MSI2: variants seen among roughly 807,000 people sequenced by gnomAD.
The protein encoded by MSI2 is RNA-binding protein Musashi homolog 2.
MSI2 carries 17 observed loss-of-function variants against 45.6 expected under a neutral mutation model. The observed-to-expected ratio is 0.37, with a 90% CI of 0.26 to 0.56. The LOEUF is 0.56. MSI2 is among the 20% of genes least tolerant of loss of function. The probability of loss-of-function intolerance (pLI) is 0.77; values close to 1 mark genes in which losing one functional copy is unlikely to be tolerated. For missense variants in MSI2, 293 were observed against 444.2 expected (o/e 0.66, Z 3.06); for synonymous variants, 156 against 158.2 (o/e 0.99, Z 0.11).
In MSI2 at chr17:57,407,601, C is replaced by A. The variant is rs975104988; in HGVS notation, c.405+6130C>A. ...TGAGGCTTTGTCCTCTGAAGTGGTT[C>A]ATGTAGGTGGGTTGCCCGGGGAGTG... On this transcript the variant is annotated intron_variant, in intron 6 of 13. Transcript: ENST00000284073. This position sits in a 1 kb window ranked among gnomAD's most constrained non-coding sequence, Gnocchi z 4.1. Among the ~76,000 whole-genome samples the A allele has an allele frequency of 6.6e-6, 1 of 152,120 alleles. No individual in the cohort carries two copies. The highest frequency in any genetic ancestry group is 6.5e-5 in the Admixed American group (1 of 15,270).
At chr17:57,264,015 T>A (rs538886497) in intron 5 of MSI2, 1 of 152,396 alleles carries the variant, frequency 6.6e-6, no homozygotes, top group East Asian at 1.9e-4. Context: ...CCTAACCTTC[T>A]CTCAGTCTCA....
chr17:57,653,083 G>A (rs554108175), intron 11 of MSI2, among the ~76,000 whole-genome samples: 2 of 152,056 alleles, frequency 1.3e-5, no homozygotes, highest in East Asian at 1.9e-4. Flanking sequence ...ATGTCACAGG[G>A]CTCTGAGGAG....
chr17:57,445,555 G>A (rs1366829372), intron 6 of MSI2, among the ~76,000 whole-genome samples: 1 of 151,884 alleles, frequency 6.6e-6, no homozygotes, highest in Admixed American at 6.6e-5. Flanking sequence ...GGGCGGTGGG[G>A]GGGGGTGCAT....
At chr17:57,447,212 A>C (rs1255385100) in intron 6 of MSI2, among the ~76,000 whole-genome samples, 1 of 151,982 alleles carries the variant, frequency 6.6e-6, no homozygotes, top group Admixed American at 6.6e-5. Context: ...TCAGCCTCCC[A>C]AGTAGCTAGG....
chr17:57,612,298 C>G lies in MSI2; in HGVS notation c.538-3672C>G, dbSNP rs1291852258. ...AGAGGTGGAGGCTTTCCTTATTTAT[C>G]TTTGGGTCCCCAAAGCCTAGCACTT... is the stretch of plus-strand genomic sequence containing the variant. On this transcript the variant is annotated intron_variant, in intron 8 of 13. Coordinates refer to ENST00000284073, the MANE Select transcript of MSI2 (RefSeq NM_138962.4). Among the ~76,000 whole-genome samples the G allele has an allele frequency of 1.2e-4, 11 of 94,744 alleles. 4 individuals carry two copies. The highest frequency in any genetic ancestry group is 9.4e-4 in the Admixed American group (9 of 9,536). The allele number at this position is 94,744 out of a possible 152,430, so 62.2% of individuals were successfully genotyped here.
At chr17:57,520,969 T>C (rs1431396367) in intron 6 of MSI2, among the ~76,000 whole-genome samples, 1 of 152,224 alleles carries the variant, frequency 6.6e-6, no homozygotes, top group East Asian at 1.9e-4. Flanking sequence ...CCAGCCCTAG[T>C]TGAGGAGAAA....
At chr17:57,369,035 T>C (rs1293951282) in intron 5 of MSI2, among the ~76,000 whole-genome samples, 1 of 152,234 alleles carries the variant, frequency 6.6e-6, no homozygotes, top group Non-Finnish European at 1.5e-5. Flanking sequence ...CAAAATAGGC[T>C]GCATCTCAGA....
chr17:57,459,141 A>G (rs2085174354), intron 6 of MSI2, among the ~76,000 whole-genome samples: 1 of 152,200 alleles, frequency 6.6e-6, no homozygotes, highest in Admixed American at 6.5e-5. Flanking sequence ...ATGTGGCACA[A>G]AAGGTAAACC....
chr17:57,274,009 A>G (rs568432727), intron 5 of MSI2, among the ~76,000 whole-genome samples: 95 of 152,312 alleles, frequency 6.2e-4, no homozygotes, highest in Middle Eastern at 3.4e-3. Context: ...AAAGCTTCCT[A>G]GAGACCTGCT....
At chr17:57,426,800 C>T (rs929318714) in intron 6 of MSI2, among the ~76,000 whole-genome samples, 2 of 152,334 alleles carry the variant, frequency 1.3e-5, no homozygotes, top group African/African-American at 4.8e-5. Context: ...CAGAGAAAGG[C>T]TTAGAGTTCA....
chr17:57,410,382 G>A (rs1259508385), intron 6 of MSI2, among the ~76,000 whole-genome samples: 1 of 152,036 alleles, frequency 6.6e-6, no homozygotes, highest in African/African-American at 2.4e-5. Flanking sequence ...AGCCAGCATG[G>A]GGCCTTGCGT....
At chr17:57,639,183 A>G (rs1020040350) in intron 10 of MSI2, among the ~76,000 whole-genome samples, 6 of 152,180 alleles carry the variant, frequency 3.9e-5, no homozygotes, top group African/African-American at 7.2e-5. Context: ...ATGTCAACAT[A>G]TAAATTTTGG....
At chr17:57,526,260 A>C (rs1422230788) in intron 6 of MSI2, among the ~76,000 whole-genome samples, 1 of 151,992 alleles carries the variant, frequency 6.6e-6, no homozygotes, top group African/African-American at 2.4e-5. Flanking sequence ...TCCTGTTCCC[A>C]GCTTCCCCTA....
At chr17:57,594,335 AT>A (rs1025649928) in intron 7 of MSI2, among the ~76,000 whole-genome samples, 17 of 152,110 alleles carry the variant, frequency 1.1e-4, no homozygotes, top group Admixed American at 5.9e-4. Context: ...GGGGAAGGGG[AT>A]TAACCAAAAA....
intron 5 of MSI2, among the ~76,000 whole-genome samples, chr17:57,373,588 T>A (rs1443157712): frequency 1.3e-5 from 2 of 152,206 alleles, no homozygotes; most frequent in Admixed American, 1.3e-4. Flanking sequence ...TAGGTTGTGC[T>A]TTTGGGAACA....
intron 8 of MSI2, among the ~76,000 whole-genome samples, chr17:57,612,645 TAAAC>T (rs1361119040): frequency 6.6e-6 from 1 of 152,234 alleles, no homozygotes; most frequent in Non-Finnish European, 1.5e-5. Context: ...AGAGCAGAAT[TAAAC>T]AGAGCTGTCA....
In MSI2 at chr17:57,544,489, A is replaced by T. The variant is rs2087121053; in HGVS notation, c.454+14765A>T. 2.6e-5 allele frequency among the ~76,000 whole-genome samples: 4 copies of T among 152,174 alleles called. 1 individual carries two copies. The highest frequency in any genetic ancestry group is 2.9e-5 in the Non-Finnish European group (2 of 68,028). On this transcript the variant is annotated intron_variant, in intron 7 of 13. Coordinates refer to ENST00000284073, the MANE Select transcript of MSI2 (RefSeq NM_138962.4). ...CAAAATGCACGGGGTAGGGCGCTGCAGGTAGCCCAGCGAATCTTGCTGCTG... is the reference window on the plus strand; with the variant it reads ...CAAAATGCACGGGGTAGGGCGCTGCTGGTAGCCCAGCGAATCTTGCTGCTG...
In MSI2 at chr17:57,607,775, G is replaced by A. The variant is rs1906785031; in HGVS notation, c.538-8195G>A. The stretch of plus-strand genomic sequence containing the variant: ...AACATCGCTAGGCTTCTGGGGTGGG[G>A]CCTCAGGGAGCTTTTACTCACGGAG... On this transcript the variant is annotated intron_variant, in intron 8 of 13. Coordinates refer to ENST00000284073, the MANE Select transcript of MSI2 (RefSeq NM_138962.4). Among the ~76,000 whole-genome samples the A allele has an allele frequency of 3.3e-5, 5 of 152,360 alleles. No homozygotes were observed. In the South Asian group the frequency reaches 1.0e-3, roughly 32 times the overall value.
rs185690962 is a variant in MSI2, at chr17:57,530,035, C to T, written c.454+311C>T. ...GTCCCTTGCTAACCTCGGCACTAAGCGATCCAAGTGGAAATTATTCACAGC... is the reference window on the plus strand; with the variant it reads ...GTCCCTTGCTAACCTCGGCACTAAGTGATCCAAGTGGAAATTATTCACAGC... On this transcript the variant is annotated intron_variant, in intron 7 of 13. Transcript: ENST00000284073. Among the ~76,000 whole-genome samples, 26 of 152,232 alleles carry T rather than the reference C, an allele frequency of 1.7e-4. No homozygotes were observed. The South Asian group carries it at 5.0e-3, about 29-fold the overall frequency.
Sources: allele counts gnomAD v4.1 joint callset (sites outside exome capture counted in the v4.1 genomes callset), GRCh38; gene constraint gnomAD v4.1.1; non-coding constraint Gnocchi (gnomAD v3.1); transcripts MANE v1.5; gene names NCBI Gene and HGNC (gene_info 2026-07-23, HGNC 2026-07-21).